The following OSBPL9 variants were observed in gnomAD, a reference collection of about 807,000 sequenced individuals.
The protein encoded by OSBPL9 is oxysterol-binding protein-related protein 9.
Under a neutral mutation model 106.6 loss-of-function variants are expected in OSBPL9, and 40 were observed. The observed-to-expected ratio is 0.38, with a 90% CI of 0.29 to 0.49. The LOEUF (loss-of-function observed/expected upper bound fraction) is 0.49. OSBPL9 is among the 20% of genes least tolerant of loss of function. The probability of loss-of-function intolerance (pLI) is 0.97; values close to 1 mark genes in which losing one functional copy is unlikely to be tolerated. For missense variants in OSBPL9, 609 were observed against 887.2 expected (o/e 0.69, Z 3.98); for synonymous variants, 269 against 295.4 (o/e 0.91, Z 0.92).
intron 8 of OSBPL9, 49 bp downstream of exon 8, chr1:51,750,244 T>C: frequency 1.5e-6 from 2 of 1,375,266 alleles, no homozygotes; most frequent in East Asian, 2.4e-5. Flanking sequence ...GTTCAAAAAT[T>C]ATAATGGCGT....
the OSBPL9 span, among the ~76,000 whole-genome samples, chr1:51,533,346 C>T: frequency 4.0e-5 from 6 of 151,440 alleles, no homozygotes; most frequent in Middle Eastern, 3.2e-3. Context: ...ATTAGCTGGT[C>T]GTGGTGGTGC....
the OSBPL9 span, among the ~76,000 whole-genome samples, chr1:51,564,720 T>C: frequency 5.3e-5 from 8 of 152,210 alleles, no homozygotes; most frequent in African/African-American, 1.9e-4. Context: ...TTATGATTCC[T>C]AAGACAGACA....
chr1:51,780,607 A>T (rs889354926), intron 15 of OSBPL9, among the ~76,000 whole-genome samples: 1 of 152,102 alleles, frequency 6.6e-6, no homozygotes, highest in Admixed American at 6.5e-5. Flanking sequence ...AAATGAAGAG[A>T]CTCAGGAATG....
At chr1:51,772,419 T>A (rs1433382424) in intron 13 of OSBPL9, among the ~76,000 whole-genome samples, 186 bp from the exon 14 acceptor site, 1 of 152,152 alleles carries the variant, frequency 6.6e-6, no homozygotes, top group Non-Finnish European at 1.5e-5. Context: ...GGAGGCTGAT[T>A]CAGGAGAATT....
chr1:51,726,007 A>G (rs1208902450), intron 4 of OSBPL9, among the ~76,000 whole-genome samples: 1 of 152,248 alleles, frequency 6.6e-6, no homozygotes, highest in Non-Finnish European at 1.5e-5. Context: ...CCTTGCCAAT[A>G]ACATAAACAG....
At chr1:51,684,057 G>A (rs1367376575) in intron 3 of OSBPL9, among the ~76,000 whole-genome samples, 1 of 152,078 alleles carries the variant, frequency 6.6e-6, no homozygotes, top group Non-Finnish European at 1.5e-5. Context: ...AGGCTAGAGA[G>A]CAGTGGCACA....
intron 20 of OSBPL9, chr1:51,785,560 T>C: frequency 2.0e-6 from 1 of 498,736 alleles, no homozygotes; most frequent in South Asian, 2.4e-5. Context: ...TCTGTTATGG[T>C]CCTTGCACCC....
chr1:51,721,400 A>T (rs1470381057), intron 4 of OSBPL9, among the ~76,000 whole-genome samples: 1 of 152,166 alleles, frequency 6.6e-6, no homozygotes. Context: ...ATCAATAGAG[A>T]CATTGTAAAA....
At chr1:51,646,336 T>C (rs1252313654) in intron 1 of OSBPL9, among the ~76,000 whole-genome samples, 1 of 152,192 alleles carries the variant, frequency 6.6e-6, no homozygotes, top group African/African-American at 2.4e-5. Context: ...TATGCTTCTT[T>C]TATTAAATTT....
the OSBPL9 span, chr1:51,519,249 A>C: frequency 9.1e-7 from 1 of 1,104,164 alleles, no homozygotes; most frequent in Non-Finnish European, 1.1e-6. Context: ...CCATCATGCA[A>C]GGGAGGGGAA....
chr1:51,595,372 T>C (rs1645294588), intron 1 of OSBPL9, among the ~76,000 whole-genome samples: 1 of 152,106 alleles, frequency 6.6e-6, no homozygotes, highest in Non-Finnish European at 1.5e-5. Flanking sequence ...TATCCTTCCA[T>C]CCATCCATCC....
chr1:51,693,614 C>T (rs911872540), intron 3 of OSBPL9, among the ~76,000 whole-genome samples: 4 of 152,170 alleles, frequency 2.6e-5, no homozygotes, highest in Admixed American at 6.5e-5. Flanking sequence ...TAAATAATGA[C>T]TCAGACTTCG....
At chr1:51,781,622 G>A in intron 16 of OSBPL9, 1 of 263,082 alleles carries the variant, frequency 3.8e-6, no homozygotes, top group African/African-American at 2.2e-5. Flanking sequence ...TCAATAGAAT[G>A]ATTTTGTGAA....
chr1:51,660,986 TA>T (rs1333518252), intron 2 of OSBPL9, among the ~76,000 whole-genome samples: 1 of 152,150 alleles, frequency 6.6e-6, no homozygotes, highest in African/African-American at 2.4e-5. Flanking sequence ...TTGGCAAACT[TA>T]AAAAAAATTT....
chr1:51,706,985 A>G (rs1658688504), intron 3 of OSBPL9, among the ~76,000 whole-genome samples: 1 of 152,084 alleles, frequency 6.6e-6, no homozygotes, highest in African/African-American at 2.4e-5. Flanking sequence ...CTCCCTCTTC[A>G]GGGGGTCTGG....
chr1:51,631,477 G>T (rs192293381), intron 1 of OSBPL9, among the ~76,000 whole-genome samples: 1 of 152,088 alleles, frequency 6.6e-6, no homozygotes, highest in African/African-American at 2.4e-5. Flanking sequence ...ACAGGTCGAG[G>T]GTACAGTGAG....
intron 3 of OSBPL9, among the ~76,000 whole-genome samples, chr1:51,680,864 A>C (rs1480442926): frequency 6.6e-6 from 1 of 152,162 alleles, no homozygotes. Flanking sequence ...TATTTTTAAT[A>C]TTTCTGAAAC....
chr1:51,696,345 T>G (rs976474943), intron 3 of OSBPL9, among the ~76,000 whole-genome samples: 1 of 152,230 alleles, frequency 6.6e-6, no homozygotes, highest in East Asian at 1.9e-4. Context: ...ACAAAATCCC[T>G]TGCCAACAAA....
chr1:51,725,273 C>CT (rs996187072), intron 4 of OSBPL9, among the ~76,000 whole-genome samples: 3 of 151,988 alleles, frequency 2.0e-5, no homozygotes, highest in African/African-American at 4.8e-5. Context: ...AGTAGCATTT[C>CT]TTTTTTATTC....
Sources: gnomAD v4.1 joint callset for allele counts (sites outside exome capture counted in the v4.1 genomes callset) on GRCh38, gnomAD v4.1.1 for gene constraint, MANE v1.5 for transcripts, NCBI Gene and HGNC (gene_info 2026-07-23, HGNC 2026-07-21) for gene names.